The following ABCG2 variants were observed in gnomAD, a reference collection of about 807,000 sequenced individuals.
ABCG2 encodes the protein broad substrate specificity ATP-binding cassette transporter ABCG2.
In ABCG2, 80 loss-of-function variants were observed where a neutral mutation model predicts 73.5. That is an observed-to-expected ratio of 1.09 (90% confidence interval 0.91 to 1.31). The LOEUF is 1.31. Among genes scored for constraint, ABCG2 ranks in the 50% most tolerant of loss-of-function variants. ABCG2 has a pLI of 0.00. For synonymous variants in ABCG2, 269 were observed against 282.4 expected, an observed-to-expected ratio of 0.95 and a Z score of 0.48; for missense variants, 796 against 786.2, an observed-to-expected ratio of 1.01 and a Z score of -0.15.
intron 1 of ABCG2, among the ~76,000 whole-genome samples, chr4:88,206,863 G>A (rs972816869): frequency 6.6e-6 from 1 of 152,112 alleles, no homozygotes; most frequent in African/African-American, 2.4e-5. Context: ...GCGCTGATTG[G>A]TGCATTTACA....
At chr4:88,193,171 T>C (rs1728774422) in intron 1 of ABCG2, among the ~76,000 whole-genome samples, 1 of 152,176 alleles carries the variant, frequency 6.6e-6, no homozygotes, top group African/African-American at 2.4e-5. Flanking sequence ...ATTGGGAACA[T>C]ATATGTTAAC....
At chr4:88,212,659 C>T (rs893246174) in intron 1 of ABCG2, among the ~76,000 whole-genome samples, 1 of 152,166 alleles carries the variant, frequency 6.6e-6, no homozygotes, top group African/African-American at 2.4e-5. Flanking sequence ...CAGTATTTCA[C>T]TGTGCCTCAC....
At chr4:88,138,697 C>T (rs544934896) in intron 2 of ABCG2, among the ~76,000 whole-genome samples, 16 of 152,240 alleles carry the variant, frequency 1.1e-4, no homozygotes, top group African/African-American at 3.1e-4. Flanking sequence ...ACAGGAAATG[C>T]CAGCAGCAAA....
Position 88,113,313 on chromosome 4 carries a change from G to T in ABCG2, c.1184C>A (p.Ser395Tyr), listed in dbSNP as rs749696921. Reference protein sequence around the residue: ...FKNLLGNPQASIAQIIVTVVL... With the variant: ...FKNLLGNPQAYIAQIIVTVVL... ...GAATCTGCTGGTTACCTGAGCTATA[G>T]AGGCCTGGGGATTACCCAGCAAGTT... is the stretch of plus-strand genomic sequence containing the variant. The change falls in exon 9 of 16, where the codon TCT becomes TAT. Residue 395 changes from serine (S) to tyrosine (Y), a missense_variant. Ser to Tyr is a moderately radical substitution (Grantham distance 144). Coordinates refer to ENST00000237612, the MANE Select transcript of ABCG2 (RefSeq NM_004827.3). 1 of 1,613,890 alleles carries T rather than the reference G, an allele frequency of 6.2e-7. No homozygotes were observed. Among genetic ancestry groups the T allele is most frequent in the Non-Finnish European group, 8.5e-7 (1 of 1,179,960 alleles).
At chr4:88,112,628 A>G (rs1368601153) in intron 9 of ABCG2, among the ~76,000 whole-genome samples, 2 of 152,292 alleles carry the variant, frequency 1.3e-5, no homozygotes, top group East Asian at 3.9e-4. Context: ...CCTAAAGCAC[A>G]GCACAGGCCC....
intron 11 of ABCG2, among the ~76,000 whole-genome samples, chr4:88,099,857 T>G (rs1199261642): frequency 2.0e-5 from 3 of 152,126 alleles, no homozygotes; most frequent in African/African-American, 7.2e-5. Context: ...TCCCTATTTC[T>G]GATGAGGAAG....
intron 1 of ABCG2, among the ~76,000 whole-genome samples, chr4:88,166,087 T>C (rs960515254): frequency 3.3e-5 from 5 of 152,104 alleles, no homozygotes; most frequent in African/African-American, 1.2e-4. Flanking sequence ...TGAGTTGGTA[T>C]GAAGAGTATT....
intron 2 of ABCG2, among the ~76,000 whole-genome samples, chr4:88,136,124 T>C (rs1297906804): frequency 6.6e-6 from 1 of 152,184 alleles, no homozygotes; most frequent in Non-Finnish European, 1.5e-5. Context: ...ACTCCCAGGG[T>C]GCTGCGGGAA....
chr4:88,133,067 C>T (rs1725011811), intron 2 of ABCG2, among the ~76,000 whole-genome samples: 1 of 152,190 alleles, frequency 6.6e-6, no homozygotes, highest in African/African-American at 2.4e-5. Flanking sequence ...CAACATTTAA[C>T]GTTCCTTGAA....
In ABCG2 at chr4:88,090,413, G is replaced by T. The variant is rs1262166519; in HGVS notation, c.*1821C>A. On this transcript the variant is annotated 3_prime_UTR_variant, in exon 16 of 16. Transcript: ENST00000237612. ...ATATATAGAGAACTGTAAGGGACAGGTATGTGAAAAGCAGGAATTATACCA... is the reference window on the plus strand; with the variant it reads ...ATATATAGAGAACTGTAAGGGACAGTTATGTGAAAAGCAGGAATTATACCA... The T allele has an allele frequency of 1.3e-5, 2 of 152,072 alleles. No individual in the cohort carries two copies. The highest frequency in any genetic ancestry group is 4.8e-5 in the African/African-American group (2 of 41,390). The allele number at this position is 152,072 out of a possible 1,614,324, so 9.4% of individuals were successfully genotyped here. A position where few individuals can be genotyped will look rare whatever the true frequency, so the allele number is the denominator to read the frequency against.
intron 1 of ABCG2, among the ~76,000 whole-genome samples, chr4:88,188,195 G>A (rs1032618852): frequency 3.9e-5 from 6 of 151,932 alleles, no homozygotes; most frequent in Admixed American, 1.3e-4. Context: ...TTTCATATGC[G>A]GCTATCCAGT....
At chr4:88,168,097 G>GT (rs998001132) in intron 1 of ABCG2, among the ~76,000 whole-genome samples, 2 of 152,150 alleles carry the variant, frequency 1.3e-5, no homozygotes, top group Admixed American at 1.3e-4. Flanking sequence ...TGTGGGGGTA[G>GT]TAAGAGCCCA....
intron 1 of ABCG2, among the ~76,000 whole-genome samples, chr4:88,197,168 C>T (rs1395979673): frequency 6.8e-6 from 1 of 147,898 alleles, no homozygotes; most frequent in Non-Finnish European, 1.5e-5. Context: ...GTTCTTTTTA[C>T]CCAGTACATC....
intron 1 of ABCG2, among the ~76,000 whole-genome samples, chr4:88,186,075 A>G (rs1728442954): frequency 6.6e-6 from 1 of 152,226 alleles, no homozygotes; most frequent in Admixed American, 6.5e-5. Context: ...TTTATATTAC[A>G]GCACTATTCA....
intron 1 of ABCG2, among the ~76,000 whole-genome samples, chr4:88,218,262 G>C (rs4693205): frequency 0.33 from 49,757 of 151,974 alleles, 8,656 homozygotes; most frequent in Middle Eastern, 0.46. Flanking sequence ...GCATCTGTCT[G>C]TAACCCTTCT....
intron 6 of ABCG2, among the ~76,000 whole-genome samples, chr4:88,119,133 A>G (rs1024640640): frequency 6.6e-6 from 1 of 152,144 alleles, no homozygotes; most frequent in African/African-American, 2.4e-5. Context: ...AAAAACTCTC[A>G]CGAGATCTGA....
chr4:88,126,771 G>A (rs1256816150), intron 5 of ABCG2, among the ~76,000 whole-genome samples: 1 of 152,024 alleles, frequency 6.6e-6, no homozygotes, highest in African/African-American at 2.4e-5. Flanking sequence ...TTGATGGAAT[G>A]TATCTCAAAA....
At chr4:88,198,450 T>C (rs192421956) in intron 1 of ABCG2, among the ~76,000 whole-genome samples, 7 of 152,154 alleles carry the variant, frequency 4.6e-5, no homozygotes, top group East Asian at 3.9e-4. Flanking sequence ...CTGCAGAACA[T>C]AGCGAGATCC....
At chr4:88,103,505 ATGAATCATAAG>A (rs563482343) in intron 10 of ABCG2, among the ~76,000 whole-genome samples, 298 of 152,352 alleles carry the variant, frequency 2.0e-3, no homozygotes, top group Non-Finnish European at 2.7e-3. Context: ...TATATAATTC[ATGAATCATAAG>A]TGTGAAATAA....
Sources: gnomAD v4.1 joint callset for allele counts (sites outside exome capture counted in the v4.1 genomes callset) on GRCh38, gnomAD v4.1.1 for gene constraint, MANE v1.5 for transcripts, NCBI Gene and HGNC (gene_info 2026-07-23, HGNC 2026-07-21) for gene names.